The following KLF7 variants were observed in gnomAD, a reference collection of about 807,000 sequenced individuals.
KLF7 encodes the protein Krueppel-like factor 7.
KLF7 carries 2 observed loss-of-function variants against 27.3 expected under a neutral mutation model. The ratio of observed to expected loss-of-function variants is 0.07; its 90% CI spans 0.03 to 0.23. KLF7 has a LOEUF of 0.23. Ranked by LOEUF, KLF7 falls within the 10% of genes least tolerant of loss-of-function variation. The pLI is 1.00. For missense variants in KLF7, 221 were observed against 394.1 expected (o/e 0.56, Z 3.72); for synonymous variants, 165 against 162.4 (o/e 1.02, Z -0.12).
intron 2 of KLF7, among the ~76,000 whole-genome samples, chr2:207,112,012 A>G: frequency 6.6e-6 from 1 of 151,978 alleles, no homozygotes; most frequent in South Asian, 2.1e-4. Context: ...TATACTTGCA[A>G]AGTTGTTATT....
rs374510178 is a variant in KLF7 at position 207,124,380 on chromosome 2, G to A, written c.127C>T (p.Leu43=). Reference sequence around the variant, plus strand: ...GAGATCCTCCGGGGCTCCGTCTGTAGGTAGCGTTCCAATTCAAGGCATGTC... The same window carrying A: ...GAGATCCTCCGGGGCTCCGTCTGTAAGTAGCGTTCCAATTCAAGGCATGTC... ...QQTCLELERY[L]QTEPRRISET... The change falls in exon 2 of 4, where the codon CTA becomes TTA. Residue 43 remains leucine, a synonymous_variant. Coordinates refer to ENST00000309446, the MANE Select transcript of KLF7 (RefSeq NM_003709.4). 5 of 1,569,070 alleles carry A rather than the reference G, an allele frequency of 3.2e-6. No homozygotes were observed. In the East Asian group the frequency reaches 9.0e-5, roughly 28 times the overall value.
chr2:207,124,647 T>A (rs2077432714), intron 1 of KLF7, among the ~76,000 whole-genome samples: 1 of 152,206 alleles, frequency 6.6e-6, no homozygotes, highest in Non-Finnish European at 1.5e-5. Flanking sequence ...CCAGAAGGAC[T>A]ATCTCATACC....
chr2:207,165,331 C>T, intron 1 of KLF7, 136 bp downstream of exon 1: 1 of 1,283,090 alleles, frequency 7.8e-7, no homozygotes, highest in Non-Finnish European at 1.1e-6. Flanking sequence ...AAAACATTTT[C>T]AACAACAGAC....
chr2:207,088,371 A>C, intron 3 of KLF7, 87 bp downstream of exon 3: 1 of 1,478,024 alleles, frequency 6.8e-7, no homozygotes, highest in Admixed American at 1.8e-5. Flanking sequence ...CAGACCTGTG[A>C]TAAGTCCAAG....
chr2:207,138,296 G>A (rs184718793), intron 1 of KLF7, among the ~76,000 whole-genome samples: 2 of 152,284 alleles, frequency 1.3e-5, no homozygotes, highest in Admixed American at 1.3e-4. Flanking sequence ...CAACCTCCAA[G>A]GAAGGTTGCT....
At chr2:207,093,285 G>GA (rs990287005) in intron 2 of KLF7, among the ~76,000 whole-genome samples, 2 of 152,154 alleles carry the variant, frequency 1.3e-5, no homozygotes, top group African/African-American at 2.4e-5. Context: ...ATCGTTCTCA[G>GA]AAAAAAAGTC....
chr2:207,149,746 T>C (rs531129573), intron 1 of KLF7, among the ~76,000 whole-genome samples: 1 of 152,336 alleles, frequency 6.6e-6, no homozygotes, highest in East Asian at 1.9e-4. Flanking sequence ...ACAGTCAATG[T>C]GGTCCTCGGG....
chr2:207,161,161 T>G (rs2078534244), intron 1 of KLF7, among the ~76,000 whole-genome samples: 1 of 152,244 alleles, frequency 6.6e-6, no homozygotes, highest in Non-Finnish European at 1.5e-5. Context: ...ATGAATCTAT[T>G]AAAGGCTAAG....
At chr2:207,165,228 G>A (rs1179996381) in intron 1 of KLF7, among the ~76,000 whole-genome samples, 1 of 152,122 alleles carries the variant, frequency 6.6e-6, no homozygotes, top group Admixed American at 6.5e-5. Flanking sequence ...GTGTGTTGGC[G>A]ACTGAAACGC....
chr2:207,107,834 G>T (rs1219413768), intron 2 of KLF7, among the ~76,000 whole-genome samples: 1 of 152,184 alleles, frequency 6.6e-6, no homozygotes, highest in Non-Finnish European at 1.5e-5. Flanking sequence ...ACGGACCCTT[G>T]ACCCAGAGAC....
intron 2 of KLF7, among the ~76,000 whole-genome samples, chr2:207,091,665 T>C (rs1272102900): frequency 6.6e-6 from 1 of 152,220 alleles, no homozygotes; most frequent in Non-Finnish European, 1.5e-5. Flanking sequence ...AAAAAATATA[T>C]ATAAAGAATT....
intron 1 of KLF7, among the ~76,000 whole-genome samples, chr2:207,161,263 G>T (rs182295548): frequency 4.9e-4 from 75 of 152,268 alleles, no homozygotes; most frequent in Non-Finnish European, 9.8e-4. Context: ...CTGGGTAACG[G>T]GCAGTTATAT....
At chr2:207,091,360 T>C (rs559168350) in intron 2 of KLF7, among the ~76,000 whole-genome samples, 1 of 152,350 alleles carries the variant, frequency 6.6e-6, no homozygotes, top group African/African-American at 2.4e-5. Context: ...CTCGTGGCTG[T>C]GTCCACTATT....
chr2:207,112,370 T>TATGGG (rs2077061440), intron 2 of KLF7, among the ~76,000 whole-genome samples: 1 of 152,148 alleles, frequency 6.6e-6, no homozygotes, highest in African/African-American at 2.4e-5. Flanking sequence ...GCCTTCTGCC[T>TATGGG]ATGCTAAGGG....
At chr2:207,116,260 C>T (rs17217236) in intron 2 of KLF7, among the ~76,000 whole-genome samples, 34,874 of 152,044 alleles carry the variant, frequency 0.23, 4,684 homozygotes, top group Middle Eastern at 0.31. Context: ...CCTGAGGATC[C>T]GTTATCAAGG....
At chr2:207,118,951 A>G (rs143967320) in intron 2 of KLF7, among the ~76,000 whole-genome samples, 306 of 152,356 alleles carry the variant, frequency 2.0e-3, no homozygotes, top group African/African-American at 7.1e-3. Flanking sequence ...AATTCTGATT[A>G]AACTTACAGA....
chr2:207,126,730 G>T (rs6755931), intron 1 of KLF7, among the ~76,000 whole-genome samples: 1 of 151,624 alleles, frequency 6.6e-6, no homozygotes, highest in East Asian at 1.9e-4. Flanking sequence ...TTAAGCCCGG[G>T]AGTTCAAGGT....
At chr2:207,166,805 CG>C (rs1559177677), upstream of KLF7, 1 of 1,004,830 alleles carries the variant, frequency 1.0e-6, no homozygotes, top group Non-Finnish European at 1.2e-6. Flanking sequence ...GAACTCCCCA[CG>C]GGCTGCCAGG....
At chr2:207,089,155 G>A (rs2076454545) in intron 2 of KLF7, among the ~76,000 whole-genome samples, 1 of 152,198 alleles carries the variant, frequency 6.6e-6, no homozygotes. Context: ...TGAGGAGAAA[G>A]GTCTACAATT....
Sources: gnomAD v4.1 joint callset for allele counts (sites outside exome capture counted in the v4.1 genomes callset) on GRCh38, gnomAD v4.1.1 for gene constraint, MANE v1.5 for transcripts, NCBI Gene and HGNC (gene_info 2026-07-23, HGNC 2026-07-21) for gene names.